MFAP1: variants seen among roughly 807,000 people sequenced by gnomAD.
The protein encoded by MFAP1 is microfibrillar-associated protein 1.
Under a neutral mutation model 62.2 loss-of-function variants are expected in MFAP1, and 18 were observed. The ratio of observed to expected loss-of-function variants is 0.29; its 90% CI spans 0.20 to 0.43. MFAP1 has a LOEUF of 0.43. Ranked by LOEUF, MFAP1 falls within the 20% of genes least tolerant of loss-of-function variation. The pLI is 1.00. For missense variants in MFAP1, 355 were observed against 559.7 expected (o/e 0.63, Z 3.69); for synonymous variants, 175 against 180.4 (o/e 0.97, Z 0.24).
rs1431595456 is a variant in MFAP1 at position 43,804,922 on chromosome 15, A to G, written c.*172T>C. ...GCTTTCCTGTGGGTTTCTCAGCATG[A>G]GTCCAAACCTCACAAAGCACCTTCA... On this transcript the variant is annotated 3_prime_UTR_variant, in exon 9 of 9. Coordinates refer to ENST00000267812, the MANE Select transcript of MFAP1 (RefSeq NM_005926.3). The G allele has an allele frequency of 4.9e-6, 3 of 611,660 alleles. No homozygotes were observed. The highest frequency in any genetic ancestry group is 8.1e-6 in the Non-Finnish European group (3 of 371,054). The allele number at this position is 611,660 out of a possible 1,614,324, so 37.9% of individuals were successfully genotyped here. A position where few individuals can be genotyped will look rare whatever the true frequency, so the allele number is the denominator to read the frequency against.
chr15:43,814,203 T>A (rs2087420592), intron 4 of MFAP1, among the ~76,000 whole-genome samples: 2 of 152,108 alleles, frequency 1.3e-5, no homozygotes, highest in South Asian at 4.1e-4. Context: ...TGAGCCGAGA[T>A]CATGCCATTG....
At chr15:43,820,252 GC>G (rs2087459431) in intron 1 of MFAP1, among the ~76,000 whole-genome samples, 1 of 152,154 alleles carries the variant, frequency 6.6e-6, no homozygotes, top group Admixed American at 6.5e-5. Context: ...CAGGGGCGGA[GC>G]TTGCAGTGAG....
At chr15:43,810,263 G>C (rs1176450849) in intron 6 of MFAP1, 1 of 202,750 alleles carries the variant, frequency 4.9e-6, no homozygotes, top group Non-Finnish European at 9.8e-6. Context: ...AGTGTCTGAG[G>C]CTTTGCTGGT....
rs138886119 is a variant in MFAP1 at position 43,804,794 on chromosome 15, T to G, written c.*300A>C. 216 of 262,178 alleles carry G rather than the reference T, an allele frequency of 8.2e-4. No homozygotes were observed. The highest frequency in any genetic ancestry group is 4.3e-3 in the African/African-American group (198 of 45,532). 16.2% of individuals were successfully genotyped at this position (262,178 alleles called of 1,614,324 possible). A position where few individuals can be genotyped will look rare whatever the true frequency, so the allele number is the denominator to read the frequency against. The stretch of plus-strand genomic sequence containing the variant: ...CAAGCTAAGGGCTGGAAAAAGAAAG[T>G]CAGAACAGTCCCAAGTAAATATGGG... On this transcript the variant is annotated 3_prime_UTR_variant, in exon 9 of 9. Transcript: ENST00000267812.
In MFAP1 at chr15:43,809,747, C is replaced by T. The variant is rs1378171076; in HGVS notation, c.1047+8G>A. ...GCCCAATTTTCTGACTCTCTTTTCA[C>T]TTCTTACCATGAAGAAGGCACCCCG... is the stretch of plus-strand genomic sequence containing the variant. On this transcript the variant is annotated splice_region_variant and intron_variant, in intron 7 of 8. Transcript: ENST00000267812. The T allele has an allele frequency of 1.6e-5, 26 of 1,612,936 alleles. No homozygotes were observed. The highest frequency in any genetic ancestry group is 2.0e-5 in the Non-Finnish European group (24 of 1,179,190).
Position 43,815,040 on chromosome 15 carries a change from C to G in MFAP1, c.334G>C (p.Val112Leu). Reference protein sequence around the residue: ...ARHRKIVEPEVVGESDSEVEG... With the variant: ...ARHRKIVEPELVGESDSEVEG... ...ACTTCTGAGTCACTCTCTCCTACCACTTCAGGTTCCACTATTTTTCGATGT... is the reference window on the plus strand; with the variant it reads ...ACTTCTGAGTCACTCTCTCCTACCAGTTCAGGTTCCACTATTTTTCGATGT... Residue 112 changes from valine to leucine, a missense_variant, in exon 3 of 9, where the codon GTG becomes CTG. By Grantham distance (32) the Val-to-Leu change is conservative. This residue lies in a region of MFAP1 where 257 missense variants were observed against 341.3 expected (regional missense o/e 0.75). Coordinates refer to ENST00000267812, the MANE Select transcript of MFAP1 (RefSeq NM_005926.3). 6.2e-7 allele frequency: 1 copy of G among 1,614,240 alleles called. No individual in the cohort carries two copies.
At chr15:43,813,743 C>A (rs2087417656) in intron 4 of MFAP1, among the ~76,000 whole-genome samples, 1 of 151,828 alleles carries the variant, frequency 6.6e-6, no homozygotes, top group African/African-American at 2.4e-5. Flanking sequence ...AACTCCTGAC[C>A]TCCTGATCCA....
intron 1 of MFAP1, among the ~76,000 whole-genome samples, chr15:43,823,365 A>G (rs947188584): frequency 6.6e-6 from 1 of 151,674 alleles, no homozygotes; most frequent in African/African-American, 2.4e-5. Context: ...CTAGAGAATG[A>G]CAATTGCAGA....
intron 1 of MFAP1, among the ~76,000 whole-genome samples, chr15:43,818,744 G>C (rs117062113): frequency 0.038 from 5,733 of 151,784 alleles, 150 homozygotes; most frequent in Non-Finnish European, 0.058. Flanking sequence ...AAAATTACCC[G>C]GACATAGTGG....
At position 43,804,725 on chromosome 15, in the gene MFAP1, G is replaced by A. The variant is rs2087350751; in HGVS notation, c.*369C>T. 1 of 174,204 alleles carries A rather than the reference G, an allele frequency of 5.7e-6. No homozygotes were observed. The highest frequency in any genetic ancestry group is 2.4e-5 in the African/African-American group (1 of 42,348). 10.8% of individuals were successfully genotyped at this position (174,204 alleles called of 1,614,324 possible). A position where few individuals can be genotyped will look rare whatever the true frequency, so the allele number is the denominator to read the frequency against. ...CGGGTATATTACTCCTAAACCTAAGGTAGAAGTAATGCATTGTTCACTTAC... is the reference window on the plus strand; with the variant it reads ...CGGGTATATTACTCCTAAACCTAAGATAGAAGTAATGCATTGTTCACTTAC... On this transcript the variant is annotated 3_prime_UTR_variant, in exon 9 of 9. Transcript: ENST00000267812.
At chr15:43,817,163 T>G in intron 2 of MFAP1, 66 bp downstream of exon 2, 3 of 1,447,492 alleles carry the variant, frequency 2.1e-6, no homozygotes, top group Non-Finnish European at 2.9e-6. Context: ...ATTCAAGTAT[T>G]AGCTATTATT....
intron 5 of MFAP1, 24 bp from the exon 6 acceptor site, chr15:43,813,171 T>C (rs761691100): frequency 1.9e-6 from 3 of 1,613,916 alleles, no homozygotes; most frequent in Admixed American, 1.7e-5. Context: ...ACAATTCAGC[T>C]TGGACTTCCT....
At position 43,809,836 on chromosome 15, in the gene MFAP1, G is replaced by A. The variant is rs779503207; in HGVS notation, c.966C>T (p.Asn322=). The A allele has an allele frequency of 6.4e-5, 104 of 1,613,942 alleles. No individual in the cohort carries two copies. Among genetic ancestry groups the A allele is most frequent in the Middle Eastern group, 3.3e-4 (2 of 6,084 alleles). Residue 322 remains asparagine (N), a synonymous_variant, in exon 7 of 9, where the codon AAC becomes AAT. Transcript: ENST00000267812. ...EEERRAELRA[N]GKVITNKAVK... ...CAGCTTTGTTGGTAATGACTTTGCC[G>A]TTTGCCCGAAGTTCAGCTCTCCTCT...
chr15:43,804,949 A>G lies in MFAP1; in HGVS notation c.*145T>C. On this transcript the variant is annotated 3_prime_UTR_variant, in exon 9 of 9. Transcript: ENST00000267812. ...TCCAAACCTCACAAAGCACCTTCAA[A>G]GTCTGGGCTACCCAGTATCACAAGT... 2.3e-6 allele frequency: 2 copies of G among 879,446 alleles called. No individual in the cohort carries two copies. Among genetic ancestry groups the G allele is most frequent in the Non-Finnish European group, 3.4e-6 (2 of 587,508 alleles). 54.5% of individuals were successfully genotyped at this position (879,446 alleles called of 1,614,324 possible).
In MFAP1 at chr15:43,817,436, AT is replaced by A; in HGVS notation, c.91del (p.Met31TrpfsTer4). The A allele has an allele frequency of 6.2e-7, 1 of 1,614,084 alleles. No individual in the cohort carries two copies. Among genetic ancestry groups the A allele is most frequent in the Non-Finnish European group, 8.5e-7 (1 of 1,180,016 alleles). ...ATAACGCTTTACCTTCACTTTTTCC[AT>A]TGAAATCTCACCTGGGCGAGAAAGG... ...PVRNEKGEISMEKVKVKRYVS... is the reference protein window; with the variant it reads ...PVRNEKGEISXEKVKVKRYVS... On this transcript the variant is annotated frameshift_variant, in exon 2 of 9. Coordinates refer to ENST00000267812, the MANE Select transcript of MFAP1 (RefSeq NM_005926.3). LOFTEE classifies it high-confidence loss of function.
chr15:43,822,463 T>C (rs2087472343), intron 1 of MFAP1, among the ~76,000 whole-genome samples: 1 of 152,074 alleles, frequency 6.6e-6, no homozygotes, highest in South Asian at 2.1e-4. Context: ...AACCTCCACC[T>C]GCCGGGTTCA....
chr15:43,811,675 A>AT, intron 6 of MFAP1, among the ~76,000 whole-genome samples: 1 of 151,526 alleles, frequency 6.6e-6, no homozygotes, highest in Non-Finnish European at 1.5e-5. Flanking sequence ...CACCCAGCTA[A>AT]TTTTTGTATT....
chr15:43,822,769 G>T (rs765769673), intron 1 of MFAP1, among the ~76,000 whole-genome samples: 5 of 152,166 alleles, frequency 3.3e-5, no homozygotes, highest in Non-Finnish European at 7.3e-5. Flanking sequence ...GAGCATAAGT[G>T]ATCCTCCTGC....
chr15:43,805,484 A>T lies in MFAP1; in HGVS notation c.1048-19T>A. ...CCTCATCCTGTATAAAAAAAATCTT[A>T]TCAATCTTGTGGCTTTATTTCCTAT... is the stretch of plus-strand genomic sequence containing the variant. On this transcript the variant is annotated intron_variant, in intron 7 of 8. Transcript: ENST00000267812. 6.3e-7 allele frequency: 1 copy of T among 1,590,550 alleles called. No homozygotes were observed. Among genetic ancestry groups the T allele is most frequent in the Non-Finnish European group, 8.5e-7 (1 of 1,171,016 alleles).
Sources: gnomAD v4.1 joint callset for allele counts (sites outside exome capture counted in the v4.1 genomes callset) on GRCh38, gnomAD v4.1.1 for gene constraint, gnomAD v4.1.1 regional missense constraint, MANE v1.5 for transcripts, NCBI Gene and HGNC (gene_info 2026-07-23, HGNC 2026-07-21) for gene names.